Variants in SMURF2 observed in about 807,000 individuals in gnomAD.
SMURF2 encodes the protein SMAD specific E3 ubiquitin protein ligase 2.
Under a neutral mutation model 109.6 loss-of-function variants are expected in SMURF2, and 48 were observed. That is an observed-to-expected ratio of 0.44 (90% CI 0.35 to 0.56). SMURF2 has a LOEUF of 0.56. Among genes scored for constraint, SMURF2 ranks in the 20% least tolerant of loss-of-function variants. The pLI, the probability that SMURF2 is intolerant of heterozygous loss-of-function variation, is 0.01. For missense variants in SMURF2, 575 were observed against 909.0 expected (o/e 0.63, Z 4.72); for synonymous variants, 288 against 317.1 (o/e 0.91, Z 0.97).
Position 64,581,028 on chromosome 17 carries a change from T to C in SMURF2, c.570-37A>G, listed in dbSNP as rs1969572719. Reference sequence around the variant, plus strand: ...TAACAAGGAAAAGATGTTATCAATTTAGATATCAAAAGTAGAGTTCTCTAG... The same window carrying C: ...TAACAAGGAAAAGATGTTATCAATTCAGATATCAAAAGTAGAGTTCTCTAG... On this transcript the variant is annotated intron_variant, in intron 7 of 18. Transcript: ENST00000262435. The surrounding 1 kb of genome is among the most constrained non-coding windows in gnomAD (Gnocchi z 4.3). 3.1e-6 allele frequency: 5 copies of C among 1,593,156 alleles called. No homozygotes were observed. Among genetic ancestry groups the C allele is most frequent in the Middle Eastern group, 3.3e-4 (2 of 6,000 alleles).
chr17:64,593,396 CACAT>C, intron 4 of SMURF2, 40 bp downstream of exon 4: 1 of 1,571,862 alleles, frequency 6.4e-7, no homozygotes, highest in South Asian at 1.2e-5. Context: ...TACACACACA[CACAT>C]ATATGTTTTT....
chr17:64,590,888 C>CTTT (rs11455884), intron 5 of SMURF2, among the ~76,000 whole-genome samples, 196 bp downstream of exon 5: 3 of 147,314 alleles, frequency 2.0e-5, no homozygotes, highest in Non-Finnish European at 4.5e-5. Context: ...CTTCACAAAA[C>CTTT]TTTTTTTTTT....
chr17:64,577,609 A>T (rs1169755892), intron 9 of SMURF2, among the ~76,000 whole-genome samples: 1 of 150,380 alleles, frequency 6.6e-6, no homozygotes, highest in Non-Finnish European at 1.5e-5. Context: ...AGAGAGAGAG[A>T]GAGAGAAATG....
chr17:64,601,531 C>G (rs542193054), intron 2 of SMURF2, among the ~76,000 whole-genome samples: 4 of 151,956 alleles, frequency 2.6e-5, no homozygotes, highest in Admixed American at 2.6e-4. Flanking sequence ...TGGCCATAAT[C>G]AAAAAATTTA....
In SMURF2 at chr17:64,649,485, T is replaced by G. The variant is rs2144731888; in HGVS notation, c.52+12344A>C. ...GATGGAAGGAACAGAGAAGTATAGT[T>G]AATCGGTTAAATGGCTGCCATATTA... is the stretch of plus-strand genomic sequence containing the variant. On this transcript the variant is annotated intron_variant, in intron 1 of 18. Transcript: ENST00000262435. Among the ~76,000 whole-genome samples, 3 of 152,308 alleles carry G rather than the reference T, an allele frequency of 2.0e-5. No individual in the cohort carries two copies. In the South Asian group the frequency reaches 6.2e-4, roughly 32 times the overall value.
intron 1 of SMURF2, among the ~76,000 whole-genome samples, chr17:64,617,606 CCT>C (rs1970143636): frequency 6.6e-6 from 1 of 152,108 alleles, no homozygotes. Context: ...CCCATCTCAA[CCT>C]CTGAGTACCT....
intron 16 of SMURF2, 101 bp downstream of exon 16, chr17:64,551,483 T>C: frequency 1.5e-6 from 2 of 1,313,186 alleles, no homozygotes; most frequent in Non-Finnish European, 2.1e-6. Context: ...CCATGAAACT[T>C]AGAAAGCACC....
intron 1 of SMURF2, among the ~76,000 whole-genome samples, chr17:64,619,245 G>A (rs893204128): frequency 6.6e-6 from 1 of 151,980 alleles, no homozygotes; most frequent in Non-Finnish European, 1.5e-5. Context: ...TTGGGAGGCC[G>A]AGGCGGGCAG....
rs184923765 is a variant in SMURF2, at chr17:64,622,078, A to C, written c.53-15438T>G. On this transcript the variant is annotated intron_variant, in intron 1 of 18. Transcript: ENST00000262435. ...TTGTCCCCAAAATAAGTGATAAATA[A>C]AATAAAAATAATAAATTTAAAAAAA... Among the ~76,000 whole-genome samples, 948 of 149,250 alleles carry C rather than the reference A, an allele frequency of 6.4e-3. 12 individuals carry two copies. Among genetic ancestry groups the C allele is most frequent in the African/African-American group, 0.021 (863 of 41,128 alleles).
At chr17:64,608,043 A>AAATAAATCAATC (rs1401811277) in intron 1 of SMURF2, among the ~76,000 whole-genome samples, 12 of 148,824 alleles carry the variant, frequency 8.1e-5, no homozygotes, top group African/African-American at 3.0e-4. Flanking sequence ...ATAAATAAAT[A>AAATAAATCAATC]AATCTGCTTA....
chr17:64,619,209 T>C (rs781955368), intron 1 of SMURF2, among the ~76,000 whole-genome samples: 43 of 152,124 alleles, frequency 2.8e-4, no homozygotes, highest in Non-Finnish European at 4.9e-4. Context: ...CCGGGCACGG[T>C]GGCTCATGCC....
intron 1 of SMURF2, among the ~76,000 whole-genome samples, chr17:64,608,650 T>C (rs950913164): frequency 6.6e-6 from 1 of 152,208 alleles, no homozygotes; most frequent in East Asian, 1.9e-4. Flanking sequence ...TGAAGTGAAA[T>C]GATTTCACAT....
chr17:64,578,290 T>C (rs2144633442), intron 9 of SMURF2, among the ~76,000 whole-genome samples: 1 of 151,980 alleles, frequency 6.6e-6, no homozygotes, highest in African/African-American at 2.4e-5. Context: ...GGCTAGGAAC[T>C]GGTGAGGGAG....
intron 1 of SMURF2, among the ~76,000 whole-genome samples, chr17:64,645,886 C>T (rs1970552333): frequency 6.6e-6 from 1 of 152,064 alleles, no homozygotes; most frequent in Non-Finnish European, 1.5e-5. Flanking sequence ...ATTCTAATCC[C>T]ATTTTTCATT....
chr17:64,584,551 G>C (rs1555686904), intron 6 of SMURF2, among the ~76,000 whole-genome samples: 1 of 151,628 alleles, frequency 6.6e-6, no homozygotes, highest in African/African-American at 2.4e-5. Context: ...AAGAGACGTG[G>C]TTTCACCATG....
Position 64,631,181 on chromosome 17 carries a change from A to G in SMURF2, c.53-24541T>C, listed in dbSNP as rs1970334324. On this transcript the variant is annotated intron_variant, in intron 1 of 18. Transcript: ENST00000262435. ...GCCGGGTGTGGTGGCGTGTGCCTGT[A>G]GTCCCAGCTACTCAGGTCAAAAAAA... Among the ~76,000 whole-genome samples, 3 of 145,286 alleles carry G rather than the reference A, an allele frequency of 2.1e-5. No individual in the cohort carries two copies. In the South Asian group the frequency reaches 7.1e-4, roughly 34 times the overall value.
chr17:64,659,581 A>T (rs1970748424), intron 1 of SMURF2, among the ~76,000 whole-genome samples: 1 of 151,356 alleles, frequency 6.6e-6, no homozygotes, highest in African/African-American at 2.4e-5. Flanking sequence ...TGGCTTCTCA[A>T]GATGGACTGA....
rs552172919 is a variant in SMURF2 at position 64,662,188 on chromosome 17, C to T, written c.-308G>A. 14 of 1,035,874 alleles carry T rather than the reference C, an allele frequency of 1.4e-5. No homozygotes were observed. The highest frequency in any genetic ancestry group is 1.5e-5 in the Non-Finnish European group (13 of 863,522). The allele number at this position is 1,035,874 out of a possible 1,614,324, so 64.2% of individuals were successfully genotyped here. ...TCGCGGCCGCCGAGGCCTTTCCCTC[C>T]TCTCGTCTCGGCGAGGCCCAGTAGC... On this transcript the variant is annotated 5_prime_UTR_variant, in exon 1 of 19. Transcript: ENST00000262435.
At chr17:64,575,142 C>T (rs1322930996) in intron 9 of SMURF2, among the ~76,000 whole-genome samples, 17 of 150,748 alleles carry the variant, frequency 1.1e-4, no homozygotes, top group African/African-American at 3.9e-4. Context: ...AAATTTCCTC[C>T]CCACTACTTT....
Sources: gnomAD v4.1 joint callset for allele counts (sites outside exome capture counted in the v4.1 genomes callset) on GRCh38, gnomAD v4.1.1 for gene constraint, Gnocchi (gnomAD v3.1) non-coding constraint, MANE v1.5 for transcripts, NCBI Gene and HGNC (gene_info 2026-07-23, HGNC 2026-07-21) for gene names.